The following NDUFB5 variants were observed in gnomAD, a reference collection of about 807,000 sequenced individuals.
NDUFB5 encodes the protein NADH dehydrogenase [ubiquinone] 1 beta subcomplex subunit 5, mitochondrial.
In NDUFB5, 19 loss-of-function variants were observed where a neutral mutation model predicts 19.4. That is an observed-to-expected ratio of 0.98 (90% CI 0.68 to 1.43). The LOEUF (loss-of-function observed/expected upper bound fraction) is 1.43. NDUFB5 is among the 40% of genes most tolerant of loss of function. The pLI is 0.00. For missense variants in NDUFB5, 233 were observed against 236.5 expected, an observed-to-expected ratio of 0.99 and a Z score of 0.10; for synonymous variants, 80 against 82.6, an observed-to-expected ratio of 0.97 and a Z score of 0.17.
intron 1 of NDUFB5, among the ~76,000 whole-genome samples, chr3:179,611,475 C>T (rs1203646268): frequency 1.3e-5 from 2 of 151,238 alleles, no homozygotes; most frequent in East Asian, 1.9e-4. Flanking sequence ...TGTAGTGGCG[C>T]GATCTTGGTT....
In NDUFB5 at chr3:179,608,661, ATAAT is replaced by A. The variant is rs149889934; in HGVS notation, c.124+3726_124+3729del. Among the ~76,000 whole-genome samples, 1,421 of 152,278 alleles carry A rather than the reference ATAAT, an allele frequency of 9.3e-3. 32 individuals carry two copies. Among genetic ancestry groups the A allele is most frequent in the African/African-American group, 0.033 (1,362 of 41,550 alleles). ...AAAAGTGACTAACTTTTTAAAATCT[ATAAT>A]TAAGGTCTGAGTCCTGAGGACCTTC... On this transcript the variant is annotated intron_variant, in intron 1 of 5. Transcript: ENST00000259037.
rs1449829201 is a variant in NDUFB5, at chr3:179,624,275, A to G, written c.*235A>G. On this transcript the variant is annotated 3_prime_UTR_variant, in exon 6 of 6. Transcript: ENST00000259037. Reference sequence around the variant, plus strand: ...GGAATTTGTGAACTCCTAAAATTGTAGCAACTTTGAAAGGTTAGTGTTTTA... The same window carrying G: ...GGAATTTGTGAACTCCTAAAATTGTGGCAACTTTGAAAGGTTAGTGTTTTA... The G allele has an allele frequency of 6.1e-6, 2 of 328,962 alleles. No homozygotes were observed. 20.4% of individuals were successfully genotyped at this position (328,962 alleles called of 1,614,324 possible).
chr3:179,613,911 A>G (rs757127281), intron 1 of NDUFB5, among the ~76,000 whole-genome samples: 1 of 152,242 alleles, frequency 6.6e-6, no homozygotes, highest in Admixed American at 6.5e-5. Flanking sequence ...ATCTTGGAAG[A>G]TAAGATGTTA....
intron 1 of NDUFB5, among the ~76,000 whole-genome samples, chr3:179,611,685 C>T (rs1413475870): frequency 6.6e-6 from 1 of 152,066 alleles, no homozygotes; most frequent in Non-Finnish European, 1.5e-5. Context: ...CAGGTGTGAG[C>T]CACTGTGCCC....
chr3:179,620,511 A>G (rs1327908534), intron 5 of NDUFB5, among the ~76,000 whole-genome samples: 143 of 152,274 alleles, frequency 9.4e-4, no homozygotes, highest in African/African-American at 3.1e-3. Flanking sequence ...AGTTGTAGAT[A>G]TGCGGCATTA....
At position 179,610,050 on chromosome 3, in the gene NDUFB5, C is replaced by T. The variant is rs115000640; in HGVS notation, c.125-4921C>T. 5.0e-3 allele frequency among the ~76,000 whole-genome samples: 757 copies of T among 152,240 alleles called. 9 individuals are homozygous for T. Among genetic ancestry groups the T allele is most frequent in the African/African-American group, 0.017 (726 of 41,524 alleles). On this transcript the variant is annotated intron_variant, in intron 1 of 5. Transcript: ENST00000259037. The stretch of plus-strand genomic sequence containing the variant: ...GCTTCAGCCTCTCAAGTAGCTGGGA[C>T]TACAGGTACATGCCACTCTGCCAGG...
intron 2 of NDUFB5, chr3:179,615,445 G>T (rs191866968): frequency 3.3e-6 from 1 of 301,006 alleles, no homozygotes; most frequent in Admixed American, 3.8e-5. Flanking sequence ...TTTATATGTT[G>T]TTCAGGAACA....
At chr3:179,622,699 T>C (rs1168373442) in intron 5 of NDUFB5, among the ~76,000 whole-genome samples, 1 of 152,226 alleles carries the variant, frequency 6.6e-6, no homozygotes, top group African/African-American at 2.4e-5. Context: ...GAACGTTATT[T>C]AATCCTTCAA....
Position 179,607,026 on chromosome 3 carries a change from G to A in NDUFB5, c.124+2087G>A, listed in dbSNP as rs569831495. On this transcript the variant is annotated intron_variant, in intron 1 of 5. Transcript: ENST00000259037. The stretch of plus-strand genomic sequence containing the variant: ...CCAAATACAAATCCTTCAAATACTC[G>A]CTCTGGTAGTATTCAATCAAATCCA... 5.3e-5 allele frequency among the ~76,000 whole-genome samples: 8 copies of A among 152,182 alleles called. No homozygotes were observed. In the East Asian group the frequency reaches 9.7e-4, roughly 18 times the overall value.
chr3:179,615,096 A>T (rs1441287958), intron 2 of NDUFB5, 37 bp downstream of exon 2: 5 of 1,420,100 alleles, frequency 3.5e-6, no homozygotes, highest in Non-Finnish European at 3.9e-6. Flanking sequence ...AAGTCTTTGC[A>T]TGTAACAGGG....
chr3:179,610,647 C>T (rs1001367568), intron 1 of NDUFB5, among the ~76,000 whole-genome samples: 3 of 152,180 alleles, frequency 2.0e-5, no homozygotes, highest in Non-Finnish European at 4.4e-5. Context: ...CCTATAGCCT[C>T]ATCCTTCCTA....
At chr3:179,621,027 T>G (rs1295579173) in intron 5 of NDUFB5, among the ~76,000 whole-genome samples, 5 of 152,138 alleles carry the variant, frequency 3.3e-5, no homozygotes, top group Non-Finnish European at 7.3e-5. Context: ...TTATATTTCT[T>G]TGTAAAGTTG....
chr3:179,621,524 GCT>G (rs1290746489), intron 5 of NDUFB5, among the ~76,000 whole-genome samples: 5 of 86,444 alleles, frequency 5.8e-5, no homozygotes, highest in Non-Finnish European at 1.2e-4. Flanking sequence ...AGACAGTTTT[GCT>G]CTGTCTCCCA....
At chr3:179,612,790 C>A (rs1234716678) in intron 1 of NDUFB5, among the ~76,000 whole-genome samples, 1 of 152,188 alleles carries the variant, frequency 6.6e-6, no homozygotes, top group Non-Finnish European at 1.5e-5. Flanking sequence ...ACCGCAATTA[C>A]TTTCAGTTGC....
chr3:179,624,561 A>C lies in NDUFB5; in HGVS notation c.*521A>C, dbSNP rs1719620333. ...GTTCTTTTTTAAACTACACACAGAC[A>C]CACAGACACGTACACACACACACAC... On this transcript the variant is annotated 3_prime_UTR_variant, in exon 6 of 6. Coordinates refer to ENST00000259037, the MANE Select transcript of NDUFB5 (RefSeq NM_002492.4). 7.0e-6 allele frequency: 1 copy of C among 143,216 alleles called. No individual in the cohort carries two copies. 8.9% of individuals were successfully genotyped at this position (143,216 alleles called of 1,614,324 possible). A position where few individuals can be genotyped will look rare whatever the true frequency, so the allele number is the denominator to read the frequency against.
In NDUFB5 at chr3:179,624,880, C is replaced by T. The variant is rs1209598441; in HGVS notation, c.*840C>T. The T allele has an allele frequency of 6.6e-6, 1 of 150,676 alleles. No individual in the cohort carries two copies. Among genetic ancestry groups the T allele is most frequent in the African/African-American group, 2.5e-5 (1 of 40,808 alleles). The allele number at this position is 150,676 out of a possible 1,614,324, so 9.3% of individuals were successfully genotyped here. Reference sequence around the variant, plus strand: ...GCCGTGATCTCGGCTGCAACCTCCGCCTCCCGGGTTCAAGCAATTCTTGTC... The same window carrying T: ...GCCGTGATCTCGGCTGCAACCTCCGTCTCCCGGGTTCAAGCAATTCTTGTC... On this transcript the variant is annotated 3_prime_UTR_variant, in exon 6 of 6. Coordinates refer to ENST00000259037, the MANE Select transcript of NDUFB5 (RefSeq NM_002492.4).
chr3:179,607,231 A>G (rs1479025543), intron 1 of NDUFB5, among the ~76,000 whole-genome samples: 1 of 152,168 alleles, frequency 6.6e-6, no homozygotes, highest in African/African-American at 2.4e-5. Context: ...CCTGCTTTCA[A>G]AGGTATTTTG....
chr3:179,607,631 G>C, intron 1 of NDUFB5: 1 of 621,604 alleles, frequency 1.6e-6, no homozygotes, highest in Non-Finnish European at 2.8e-6. Flanking sequence ...GCACCGTTCA[G>C]TGGTATTAAA....
chr3:179,605,993 TG>T (rs1719085612), intron 1 of NDUFB5, among the ~76,000 whole-genome samples: 1 of 152,148 alleles, frequency 6.6e-6, no homozygotes, highest in African/African-American at 2.4e-5. Flanking sequence ...GGTTTCACCA[TG>T]TTGGCCAGGC....
Sources: allele counts gnomAD v4.1 joint callset (sites outside exome capture counted in the v4.1 genomes callset), GRCh38; gene constraint gnomAD v4.1.1; transcripts MANE v1.5; gene names NCBI Gene and HGNC (gene_info 2026-07-23, HGNC 2026-07-21).